The following CENPE variants were observed in gnomAD, a reference collection of about 807,000 sequenced individuals.
CENPE encodes the protein centromere-associated protein E.
A neutral mutation model predicts 336.1 loss-of-function variants in CENPE; 145 were observed. The observed-to-expected ratio is 0.43, with a 90% confidence interval of 0.38 to 0.50. The LOEUF (loss-of-function observed/expected upper bound fraction) is 0.50, where lower values mean the gene tolerates loss of function less well. Among genes scored for constraint, CENPE ranks in the 20% least tolerant of loss-of-function variants. The pLI, the probability that CENPE is intolerant of heterozygous loss-of-function variation, is 0.00. For synonymous variants in CENPE, 1,013 were observed against 984.8 expected, an observed-to-expected ratio of 1.03 and a Z score of -0.54; for missense variants, 2,719 against 3,023.3, an observed-to-expected ratio of 0.90 and a Z score of 2.36.
chr4:103,153,062 C>T lies in CENPE; in HGVS notation c.3222G>A (p.Lys1074=). 6.2e-7 allele frequency: 1 copy of T among 1,610,710 alleles called. No individual in the cohort carries two copies. The highest frequency in any genetic ancestry group is 8.5e-7 in the Non-Finnish European group (1 of 1,178,540). The stretch of plus-strand genomic sequence containing the variant: ...TAAATCCTACCATTTCAATATTTTC[C>T]TTTAGGTCAGTCTTCAATTGTTCCT... ...AEKEQLKTDL[K]ENIEMTIENQ... Residue 1074 remains lysine (K), a synonymous_variant, in exon 25 of 49, where the codon AAG becomes AAA. Transcript: ENST00000265148.
chr4:103,123,401 C>T (rs1306695374), intron 42 of CENPE, among the ~76,000 whole-genome samples: 1 of 152,036 alleles, frequency 6.6e-6, no homozygotes, highest in African/African-American at 2.4e-5. Flanking sequence ...GTACTTGTGT[C>T]CAAGTAACCC....
rs60205159 is a variant in CENPE at position 103,121,547 on chromosome 4, T to G, written c.7144-1214A>C. Among the ~76,000 whole-genome samples the G allele has an allele frequency of 9.7e-3, 1,459 of 150,460 alleles. 29 individuals carry two copies. Among genetic ancestry groups the G allele is most frequent in the African/African-American group, 0.034 (1,371 of 40,752 alleles). ...ACTAAGCAAACCATCTTTTCTTTCT[T>G]TCTTTTTTTTTTTTTTTTTGAGGCA... On this transcript the variant is annotated intron_variant, in intron 43 of 48. Coordinates refer to ENST00000265148, the MANE Select transcript of CENPE (RefSeq NM_001813.3).
chr4:103,177,659 G>A (rs960790524), intron 13 of CENPE, among the ~76,000 whole-genome samples: 4 of 151,976 alleles, frequency 2.6e-5, no homozygotes, highest in African/African-American at 9.7e-5. Context: ...ATTGGTGGCT[G>A]AGCCCATTGT....
intron 16 of CENPE, among the ~76,000 whole-genome samples, chr4:103,165,328 G>A (rs919022200): frequency 2.0e-5 from 3 of 152,096 alleles, no homozygotes; most frequent in African/African-American, 4.8e-5. Context: ...ATAGGTAGAC[G>A]GTAAAGATTT....
At chr4:103,164,950 C>T (rs1017587383) in intron 16 of CENPE, among the ~76,000 whole-genome samples, 9 of 151,988 alleles carry the variant, frequency 5.9e-5, no homozygotes, top group African/African-American at 1.4e-4. Flanking sequence ...TAGAAGAGAT[C>T]GGGTGCATTC....
intron 24 of CENPE, 58 bp from the exon 25 acceptor site, chr4:103,153,308 A>T: frequency 9.1e-7 from 1 of 1,102,216 alleles, no homozygotes; most frequent in Non-Finnish European, 1.3e-6. Context: ...AACTTTAAAA[A>T]ATAATAAAAA....
chr4:103,195,385 A>C (rs1416886149), intron 4 of CENPE, 152 bp from the exon 5 acceptor site: 1 of 539,544 alleles, frequency 1.9e-6, no homozygotes, highest in Non-Finnish European at 3.0e-6. Flanking sequence ...GAACACAAAA[A>C]TATAAAAGCA....
chr4:103,115,882 C>T (rs1750059738), intron 45 of CENPE, among the ~76,000 whole-genome samples: 2 of 152,016 alleles, frequency 1.3e-5, no homozygotes, highest in African/African-American at 4.8e-5. Flanking sequence ...AGGCGCCTGC[C>T]ACCATGCCGG....
At chr4:103,124,306 A>T (rs1750904618) in intron 42 of CENPE, among the ~76,000 whole-genome samples, 1 of 152,210 alleles carries the variant, frequency 6.6e-6, no homozygotes, top group Non-Finnish European at 1.5e-5. Flanking sequence ...TGTAGTTTGC[A>T]TCAGTTTCTG....
At chr4:103,163,580 G>A (rs542571902) in intron 16 of CENPE, 27 bp from the exon 17 acceptor site, 3 of 850,672 alleles carry the variant, frequency 3.5e-6, no homozygotes, top group Non-Finnish European at 4.9e-6. Context: ...ACAGGTAACA[G>A]AGCAAACCAA....
At chr4:103,175,339 T>G (rs1307594956) in intron 15 of CENPE, among the ~76,000 whole-genome samples, 2 of 151,780 alleles carry the variant, frequency 1.3e-5, no homozygotes, top group African/African-American at 4.8e-5. Context: ...AGATAAACCA[T>G]GAGTTAAAAA....
rs1299325415 is a variant in CENPE, at chr4:103,196,740, G to C, written c.148+19C>G. Reference sequence around the variant, plus strand: ...GCAAAAGGATAACAAGGTAACTTTTGATGCTATTATAAGCTTACCAAAATT... The same window carrying C: ...GCAAAAGGATAACAAGGTAACTTTTCATGCTATTATAAGCTTACCAAAATT... On this transcript the variant is annotated intron_variant, in intron 2 of 48. Transcript: ENST00000265148. 1.7e-6 allele frequency: 2 copies of C among 1,144,654 alleles called. No individual in the cohort carries two copies. Among genetic ancestry groups the C allele is most frequent in the Non-Finnish European group, 2.6e-6 (2 of 772,422 alleles). 70.9% of individuals were successfully genotyped at this position (1,144,654 alleles called of 1,614,324 possible).
chr4:103,145,734 T>C (rs766035424), intron 30 of CENPE, 53 bp from the exon 31 acceptor site: 15 of 1,506,364 alleles, frequency 1.0e-5, no homozygotes, highest in African/African-American at 1.4e-5. Flanking sequence ...ATAACTATTT[T>C]GTTGTAATTA....
chr4:103,115,281 C>T (rs889067048), intron 45 of CENPE, among the ~76,000 whole-genome samples: 4 of 151,910 alleles, frequency 2.6e-5, no homozygotes, highest in African/African-American at 9.7e-5. Context: ...TTACAGGCAC[C>T]TGCCACCACG....
chr4:103,122,722 T>C (rs554620278), intron 43 of CENPE, 149 bp downstream of exon 43: 36 of 610,452 alleles, frequency 5.9e-5, no homozygotes, highest in African/African-American at 2.0e-4. Context: ...AGTTGAACGA[T>C]AGCCATAGTA....
chr4:103,141,138 C>CT (rs1358319075), intron 35 of CENPE, 34 bp from the exon 36 acceptor site: 1 of 1,256,270 alleles, frequency 8.0e-7, no homozygotes, highest in African/African-American at 1.5e-5. Context: ...TGTTAGGTGG[C>CT]TTTTTAGGGA....
intron 29 of CENPE, among the ~76,000 whole-genome samples, chr4:103,146,759 T>G (rs1252579755): frequency 6.6e-6 from 1 of 152,178 alleles, no homozygotes; most frequent in Non-Finnish European, 1.5e-5. Context: ...TTAGGCTTAG[T>G]ATAGAAACTG....
intron 24 of CENPE, among the ~76,000 whole-genome samples, chr4:103,157,742 T>C (rs1243632222): frequency 6.6e-6 from 1 of 151,962 alleles, no homozygotes; most frequent in Non-Finnish European, 1.5e-5. Flanking sequence ...TGTATTTTAC[T>C]ACCAATTTAA....
At chr4:103,109,964 T>C (rs903346332) in intron 47 of CENPE, among the ~76,000 whole-genome samples, 1 of 152,208 alleles carries the variant, frequency 6.6e-6, no homozygotes, top group Non-Finnish European at 1.5e-5. Flanking sequence ...CTGGCCACAC[T>C]GGATGTCTTT....
Sources: gnomAD v4.1 joint callset for allele counts (sites outside exome capture counted in the v4.1 genomes callset) on GRCh38, gnomAD v4.1.1 for gene constraint, MANE v1.5 for transcripts, NCBI Gene and HGNC (gene_info 2026-07-23, HGNC 2026-07-21) for gene names.